LRRTM4: variants seen among roughly 807,000 people sequenced by gnomAD.
The protein encoded by LRRTM4 is leucine-rich repeat transmembrane neuronal protein 4.
A neutral mutation model predicts 47.6 loss-of-function variants in LRRTM4; 25 were observed. That is an observed-to-expected ratio of 0.53 (90% CI 0.38 to 0.73). The LOEUF (loss-of-function observed/expected upper bound fraction) is 0.73, where lower values mean the gene tolerates loss of function less well. LRRTM4 is among the 30% of genes least tolerant of loss of function. The pLI, the probability that LRRTM4 is intolerant of heterozygous loss-of-function variation, is 0.00. For missense variants in LRRTM4, 638 were observed against 713.4 expected (o/e 0.89, Z 1.20); for synonymous variants, 311 against 269.5 (o/e 1.15, Z -1.51).
At chr2:77,067,143 A>C (rs1450350633) in intron 3 of LRRTM4, among the ~76,000 whole-genome samples, 2 of 152,230 alleles carry the variant, frequency 1.3e-5, no homozygotes, top group Admixed American at 1.3e-4. Context: ...TTGGAAAATA[A>C]GCAAAGTGAG....
intron 3 of LRRTM4, among the ~76,000 whole-genome samples, chr2:77,171,571 C>T (rs1673050269): frequency 6.6e-6 from 1 of 151,972 alleles, no homozygotes; most frequent in African/African-American, 2.4e-5. Flanking sequence ...GTCACGGCGA[C>T]TGGCCTGGTT....
intron 3 of LRRTM4, among the ~76,000 whole-genome samples, chr2:76,820,250 C>T (rs537079856): frequency 6.7e-4 from 102 of 151,906 alleles, no homozygotes; most frequent in South Asian, 8.3e-4. Flanking sequence ...TTGTCCATTT[C>T]GCTGCTTTAT....
At chr2:76,847,618 T>C (rs1024245557) in intron 3 of LRRTM4, among the ~76,000 whole-genome samples, 3 of 152,090 alleles carry the variant, frequency 2.0e-5, no homozygotes, top group Non-Finnish European at 4.4e-5. Context: ...AGAAGTTCTA[T>C]TTGTAAAAGA....
At chr2:77,448,352 A>T (rs1320215259) in intron 3 of LRRTM4, among the ~76,000 whole-genome samples, 1 of 152,190 alleles carries the variant, frequency 6.6e-6, no homozygotes, top group Non-Finnish European at 1.5e-5. Flanking sequence ...TAAGAGACGA[A>T]ATTATCACTC....
intron 3 of LRRTM4, among the ~76,000 whole-genome samples, chr2:77,059,241 G>GT (rs769179027): frequency 1.3e-5 from 2 of 152,038 alleles, no homozygotes; most frequent in East Asian, 1.9e-4. Flanking sequence ...TTTGTCTCAA[G>GT]TTTTTTTATT....
intron 3 of LRRTM4, among the ~76,000 whole-genome samples, chr2:77,361,341 T>A (rs1239420735): frequency 6.6e-6 from 1 of 152,126 alleles, no homozygotes; most frequent in African/African-American, 2.4e-5. Flanking sequence ...TCATTTAGGT[T>A]AAAGAAACTT....
chr2:77,185,317 C>T (rs1673469954), intron 3 of LRRTM4, among the ~76,000 whole-genome samples: 1 of 152,072 alleles, frequency 6.6e-6, no homozygotes, highest in African/African-American at 2.4e-5. Flanking sequence ...TGTTAGCAAT[C>T]CCACTTGGCC....
chr2:77,354,390 T>C lies in LRRTM4; in HGVS notation c.1551+163928A>G, dbSNP rs529253397. 1.4e-4 allele frequency among the ~76,000 whole-genome samples: 21 copies of C among 150,850 alleles called. No individual in the cohort carries two copies. The South Asian group carries it at 4.4e-3, about 32-fold the overall frequency. On this transcript the variant is annotated intron_variant, in intron 3 of 3. Coordinates refer to ENST00000409884, the MANE Select transcript of LRRTM4 (RefSeq NM_001134745.3). The stretch of plus-strand genomic sequence containing the variant: ...ATCACCTGAAGATCTTCTTAAAATG[T>C]AGATATCTTAGACGTACTTCCTAGA...
At chr2:77,231,176 G>A (rs528822123) in intron 3 of LRRTM4, among the ~76,000 whole-genome samples, 6 of 151,796 alleles carry the variant, frequency 4.0e-5, no homozygotes, top group African/African-American at 7.2e-5. Context: ...AACCCATGGC[G>A]TGAGGATAAA....
chr2:77,017,947 A>C (rs567618064), intron 3 of LRRTM4, among the ~76,000 whole-genome samples: 1 of 152,084 alleles, frequency 6.6e-6, no homozygotes, highest in East Asian at 1.9e-4. Context: ...GTGAACAAAT[A>C]ATCATAATGG....
At chr2:76,900,265 A>C (rs1014528379) in intron 3 of LRRTM4, among the ~76,000 whole-genome samples, 1 of 152,076 alleles carries the variant, frequency 6.6e-6, no homozygotes, top group African/African-American at 2.4e-5. Flanking sequence ...AACCAAAAAC[A>C]AACAAACAAA....
intron 3 of LRRTM4, among the ~76,000 whole-genome samples, chr2:77,442,981 G>A (rs1005400970): frequency 2.0e-5 from 3 of 152,032 alleles, no homozygotes; most frequent in Non-Finnish European, 4.4e-5. Context: ...AACATAATAA[G>A]GCTCACTTGG....
At chr2:77,441,063 G>A (rs983374249) in intron 3 of LRRTM4, among the ~76,000 whole-genome samples, 1 of 152,162 alleles carries the variant, frequency 6.6e-6, no homozygotes, top group Non-Finnish European at 1.5e-5. Context: ...ACTTGATTTT[G>A]TTAATAAATA....
chr2:77,084,495 C>T lies in LRRTM4; in HGVS notation c.1552-335579G>A, dbSNP rs150056083. Reference sequence around the variant, plus strand: ...CTCACAGCCAGACATAACTACGTATCGTACTTAATATTTCCATATTTACCC... The same window carrying T: ...CTCACAGCCAGACATAACTACGTATTGTACTTAATATTTCCATATTTACCC... On this transcript the variant is annotated intron_variant, in intron 3 of 3. Transcript: ENST00000409884. 5.1e-4 allele frequency among the ~76,000 whole-genome samples: 78 copies of T among 152,274 alleles called. 1 individual carries two copies. The Middle Eastern group carries it at 0.024, about 46-fold the overall frequency.
intron 3 of LRRTM4, among the ~76,000 whole-genome samples, chr2:77,477,907 GA>G (rs1437414467): frequency 3.6e-4 from 2 of 5,574 alleles, no homozygotes; most frequent in East Asian, 4.7e-3. Context: ...GAAAGAAAAA[GA>G]AAGAAAGAAA....
At chr2:77,217,087 G>A (rs1339201595) in intron 3 of LRRTM4, among the ~76,000 whole-genome samples, 2 of 148,514 alleles carry the variant, frequency 1.3e-5, no homozygotes, top group Non-Finnish European at 3.0e-5. Flanking sequence ...AAAAAAAAAA[G>A]GGAGGGCACA....
At chr2:76,897,254 G>C (rs1017174885) in intron 3 of LRRTM4, among the ~76,000 whole-genome samples, 4 of 152,040 alleles carry the variant, frequency 2.6e-5, no homozygotes, top group Non-Finnish European at 4.4e-5. Flanking sequence ...AGAAAACTTA[G>C]CTCTCTGGAA....
At chr2:77,363,935 C>T (rs1314100175) in intron 3 of LRRTM4, among the ~76,000 whole-genome samples, 1 of 152,036 alleles carries the variant, frequency 6.6e-6, no homozygotes, top group African/African-American at 2.4e-5. Context: ...TAATGGAAAG[C>T]TTCAATTACA....
At chr2:76,916,408 G>T (rs752226488) in intron 3 of LRRTM4, among the ~76,000 whole-genome samples, 8 of 106,108 alleles carry the variant, frequency 7.5e-5, no homozygotes, top group South Asian at 2.9e-4. Context: ...AAAAAAAAAA[G>T]AAAAGAAAAA....
Sources: allele counts gnomAD v4.1 joint callset (sites outside exome capture counted in the v4.1 genomes callset), GRCh38; gene constraint gnomAD v4.1.1; transcripts MANE v1.5; gene names NCBI Gene and HGNC (gene_info 2026-07-23, HGNC 2026-07-21).